The following NPIPB2 variants were observed in gnomAD, a reference collection of about 807,000 sequenced individuals.
NPIPB2 encodes the protein nuclear pore complex interacting protein family member B2, also known as nuclear pore complex-interacting protein family member B2.
NPIPB2 carries 27 observed loss-of-function variants against 30.8 expected under a neutral mutation model. That is an observed-to-expected ratio of 0.88 (90% CI 0.65 to 1.21). NPIPB2 has a LOEUF of 1.21. NPIPB2 is among the 50% of genes most tolerant of loss of function. The pLI is 0.00. For synonymous variants in NPIPB2, 147 were observed against 162.0 expected, an observed-to-expected ratio of 0.91 and a Z score of 0.70; for missense variants, 440 against 446.2, an observed-to-expected ratio of 0.99 and a Z score of 0.13.
At chr16:11,927,720 C>T (rs757628821) in exon 8 of NPIPB2, 15 of 1,599,498 alleles carry the variant, frequency 9.4e-6, no homozygotes, top group South Asian at 1.1e-5. Flanking sequence ...AGCAGACACT[C>T]GGGAGGTGTC....
At chr16:11,933,557 G>T (rs760879539) in exon 4 of NPIPB2, 1 of 1,597,080 alleles carries the variant, frequency 6.3e-7, no homozygotes, top group Non-Finnish European at 8.5e-7. Flanking sequence ...ATTTTGTCAT[G>T]ATGGTTGATT....
intron 1 of NPIPB2, among the ~76,000 whole-genome samples, chr16:11,972,810 G>A (rs1319361166): frequency 6.6e-6 from 1 of 150,920 alleles, no homozygotes; most frequent in Non-Finnish European, 1.5e-5. Flanking sequence ...GTTGCAGTGA[G>A]CCGAGATCAC....
chr16:11,958,379 G>C (rs867544276), intron 1 of NPIPB2, among the ~76,000 whole-genome samples: 7 of 150,434 alleles, frequency 4.7e-5, no homozygotes, highest in African/African-American at 1.5e-4. Flanking sequence ...AGTGAGCCCA[G>C]ATCACGCCAC....
chr16:11,937,683 G>T lies in NPIPB2; in HGVS notation c.64-15C>A, dbSNP rs759712420. ...GTATTGATAACCTGGAATAATAATA[G>T]TTGAAATAATGAAAAGGTCAATGAC... On this transcript the variant is annotated splice_polypyrimidine_tract_variant and intron_variant, in intron 1 of 7. Transcript: ENST00000399147. The T allele has an allele frequency of 1.3e-6, 2 of 1,597,614 alleles. No homozygotes were observed. Among genetic ancestry groups the T allele is most frequent in the Non-Finnish European group, 1.7e-6 (2 of 1,178,802 alleles).
chr16:11,948,214 G>C (rs779705788), intron 1 of NPIPB2, among the ~76,000 whole-genome samples: 15 of 151,758 alleles, frequency 9.9e-5, no homozygotes, highest in Non-Finnish European at 1.6e-4. Context: ...GGAAGTTCCA[G>C]GTGAACTGGG....
intron 1 of NPIPB2, chr16:11,976,480 C>T (rs1391580183): frequency 3.1e-6 from 1 of 324,730 alleles, no homozygotes; most frequent in Non-Finnish European, 5.6e-6. Flanking sequence ...CGAAGTCGCC[C>T]CATCACTCGT....
chr16:11,964,121 C>T (rs780058895), intron 1 of NPIPB2: 11 of 151,916 alleles, frequency 7.2e-5, no homozygotes, highest in Admixed American at 1.3e-4. Flanking sequence ...ATTCAGGGAT[C>T]GGTGAAACAA....
intron 1 of NPIPB2, among the ~76,000 whole-genome samples, chr16:11,975,075 A>AAAAAC (rs898364062): frequency 1.3e-5 from 2 of 149,772 alleles, no homozygotes; most frequent in South Asian, 2.1e-4. Context: ...ATGCCGTCTC[A>AAAAAC]AAAACAAAAC....
At chr16:11,935,648 G>T (rs1463000958) in intron 2 of NPIPB2, among the ~76,000 whole-genome samples, 1 of 151,374 alleles carries the variant, frequency 6.6e-6, no homozygotes, top group Non-Finnish European at 1.5e-5. Context: ...TGTAGAATTT[G>T]TTTTTTCCTG....
At chr16:11,957,165 CTTTT>C (rs34981281) in intron 1 of NPIPB2, among the ~76,000 whole-genome samples, 4 of 118,942 alleles carry the variant, frequency 3.4e-5, no homozygotes, top group Admixed American at 8.5e-5. Context: ...CTAACTTTTT[CTTTT>C]TTTTTTTTTT....
intron 1 of NPIPB2, among the ~76,000 whole-genome samples, chr16:11,973,443 G>C (rs1454263695): frequency 3.3e-5 from 5 of 152,186 alleles, no homozygotes; most frequent in African/African-American, 1.2e-4. Flanking sequence ...GAAAGTTGCT[G>C]AAAAATCAGC....
intron 1 of NPIPB2, among the ~76,000 whole-genome samples, chr16:11,949,538 G>T (rs746500636): frequency 2.6e-5 from 4 of 152,142 alleles, no homozygotes; most frequent in African/African-American, 9.7e-5. Flanking sequence ...AGAAGAACCC[G>T]GATAACTAAA....
intron 1 of NPIPB2, among the ~76,000 whole-genome samples, chr16:11,972,681 T>C (rs926023925): frequency 1.3e-5 from 2 of 150,730 alleles, no homozygotes; most frequent in African/African-American, 4.9e-5. Flanking sequence ...GAGTCCATCC[T>C]GGCCAACATG....
At chr16:11,962,837 G>A (rs965651862) in intron 1 of NPIPB2, among the ~76,000 whole-genome samples, 2 of 152,048 alleles carry the variant, frequency 1.3e-5, no homozygotes, top group African/African-American at 4.8e-5. Context: ...GGGAGGCCAA[G>A]GCAGGTGGAT....
chr16:11,946,128 G>T (rs984526382), upstream of NPIPB2, among the ~76,000 whole-genome samples: 2 of 152,018 alleles, frequency 1.3e-5, no homozygotes, highest in Non-Finnish European at 2.9e-5. Context: ...GCTTATACCT[G>T]TAATCCCAGC....
chr16:11,968,103 C>A, intron 1 of NPIPB2: 14 of 423,560 alleles, frequency 3.3e-5, no homozygotes, highest in Non-Finnish European at 5.5e-5. Flanking sequence ...TTTTTAAAAA[C>A]AAGCATGTAT....
intron 1 of NPIPB2, chr16:11,966,264 C>G (rs755364284): frequency 6.2e-7 from 1 of 1,614,018 alleles, no homozygotes; most frequent in Non-Finnish European, 8.5e-7. Flanking sequence ...TTAATAATTT[C>G]TTTGGCAGTT....
At chr16:11,972,104 C>CTA (rs1422634218) in intron 1 of NPIPB2, among the ~76,000 whole-genome samples, 1 of 151,928 alleles carries the variant, frequency 6.6e-6, no homozygotes, top group Non-Finnish European at 1.5e-5. Flanking sequence ...TGAGATCACG[C>CTA]TATTGCACTC....
At chr16:11,949,539 G>A (rs1226499071) in intron 1 of NPIPB2, among the ~76,000 whole-genome samples, 5 of 152,166 alleles carry the variant, frequency 3.3e-5, no homozygotes, top group Non-Finnish European at 7.3e-5. Flanking sequence ...GAAGAACCCG[G>A]ATAACTAAAT....
Sources: allele counts gnomAD v4.1 joint callset (sites outside exome capture counted in the v4.1 genomes callset), GRCh38; gene constraint gnomAD v4.1.1; transcripts MANE v1.5; gene names NCBI Gene and HGNC (gene_info 2026-07-23, HGNC 2026-07-21).